The following ZBTB20 variants were observed in gnomAD, a reference collection of about 807,000 sequenced individuals.
ZBTB20 encodes the protein zinc finger and BTB domain-containing protein 20.
A neutral mutation model predicts 56.9 loss-of-function variants in ZBTB20; 9 were observed. The observed-to-expected ratio is 0.16, with a 90% CI of 0.10 to 0.28. The LOEUF is 0.28. ZBTB20 is among the 10% of genes least tolerant of loss of function. The probability of loss-of-function intolerance (pLI) is 1.00; values close to 1 mark genes in which losing one functional copy is unlikely to be tolerated. For synonymous variants in ZBTB20, 417 were observed against 420.7 expected, an observed-to-expected ratio of 0.99 and a Z score of 0.11; for missense variants, 655 against 1,003.0, an observed-to-expected ratio of 0.65 and a Z score of 4.69.
chr3:114,600,179 G>C (rs576687070), intron 6 of ZBTB20, among the ~76,000 whole-genome samples: 1 of 152,092 alleles, frequency 6.6e-6, no homozygotes, highest in Non-Finnish European at 1.5e-5. Context: ...TTATGAAAAG[G>C]TATAGGCTTA....
chr3:114,343,469 C>T (rs573948347), intron 11 of ZBTB20, among the ~76,000 whole-genome samples: 7 of 152,170 alleles, frequency 4.6e-5, no homozygotes, highest in South Asian at 2.1e-4. Flanking sequence ...CCTCCTCTTT[C>T]GTGAGTACAG....
intron 6 of ZBTB20, among the ~76,000 whole-genome samples, chr3:114,631,382 CTTTTT>C (rs66470152): frequency 1.8e-4 from 9 of 49,810 alleles, no homozygotes; most frequent in Non-Finnish European, 3.1e-4. Flanking sequence ...ATAGGTTATT[CTTTTT>C]TTTTTTTTTT....
At chr3:114,905,266 C>G (rs1165571441) in intron 3 of ZBTB20, among the ~76,000 whole-genome samples, 2 of 151,734 alleles carry the variant, frequency 1.3e-5, no homozygotes, top group African/African-American at 4.8e-5. Flanking sequence ...ATTATATTTT[C>G]AAAATATCCT....
intron 3 of ZBTB20, among the ~76,000 whole-genome samples, chr3:114,932,074 A>T (rs1490263766): frequency 6.6e-6 from 1 of 152,106 alleles, no homozygotes; most frequent in African/African-American, 2.4e-5. Flanking sequence ...TAAAAGTATA[A>T]TTTTTTTAGG....
At chr3:114,533,998 T>C (rs942555784) in intron 6 of ZBTB20, among the ~76,000 whole-genome samples, 1 of 151,836 alleles carries the variant, frequency 6.6e-6, no homozygotes, top group African/African-American at 2.4e-5. Context: ...GCACTAAATA[T>C]GGAAAGGAAA....
chr3:114,879,512 A>G (rs1444067222), intron 4 of ZBTB20, among the ~76,000 whole-genome samples: 1 of 152,140 alleles, frequency 6.6e-6, no homozygotes, highest in Non-Finnish European at 1.5e-5. Flanking sequence ...AGTTCTAAAA[A>G]CAGCCTTAAA....
At chr3:114,861,334 A>C (rs2075517932) in intron 4 of ZBTB20, among the ~76,000 whole-genome samples, 1 of 152,080 alleles carries the variant, frequency 6.6e-6, no homozygotes, top group South Asian at 2.1e-4. Context: ...ACTTTGTCTT[A>C]TTCCTTAGTT....
At chr3:115,125,143 A>G (rs529280997) in intron 1 of ZBTB20, among the ~76,000 whole-genome samples, 1 of 152,108 alleles carries the variant, frequency 6.6e-6, no homozygotes, top group South Asian at 2.1e-4. Context: ...AGAGTCTGAG[A>G]CCAGCGTGGG....
At chr3:114,948,413 C>G (rs1302934013) in intron 3 of ZBTB20, among the ~76,000 whole-genome samples, 2 of 145,890 alleles carry the variant, frequency 1.4e-5, no homozygotes, top group Non-Finnish European at 2.9e-5. Context: ...ACAAGTGGTC[C>G]TAGCTAGTGC....
chr3:114,653,264 A>G (rs1240809303), intron 6 of ZBTB20, among the ~76,000 whole-genome samples: 1 of 151,894 alleles, frequency 6.6e-6, no homozygotes, highest in East Asian at 1.9e-4. Flanking sequence ...GGTATTAATT[A>G]TATGTTTTCA....
intron 4 of ZBTB20, among the ~76,000 whole-genome samples, chr3:114,815,044 A>G (rs1024681137): frequency 6.6e-6 from 1 of 152,214 alleles, no homozygotes; most frequent in Non-Finnish European, 1.5e-5. Flanking sequence ...CATGTAACAT[A>G]AATATTCAGG....
At chr3:114,903,293 A>G (rs1472854036) in intron 3 of ZBTB20, among the ~76,000 whole-genome samples, 3 of 152,136 alleles carry the variant, frequency 2.0e-5, no homozygotes, top group African/African-American at 7.2e-5. Context: ...TGCAGGTTAT[A>G]TGTTATAGCC....
At chr3:114,989,690 G>C (rs2078713743) in intron 2 of ZBTB20, among the ~76,000 whole-genome samples, 1 of 152,016 alleles carries the variant, frequency 6.6e-6, no homozygotes. Context: ...AATTACGCAG[G>C]ACAGTATGGC....
intron 7 of ZBTB20, among the ~76,000 whole-genome samples, chr3:114,455,908 C>G (rs2091984786): frequency 6.6e-6 from 1 of 152,028 alleles, no homozygotes; most frequent in Non-Finnish European, 1.5e-5. Context: ...CAATCTCTCC[C>G]CCTCCCAATT....
chr3:114,876,208 T>C (rs1017091795), intron 4 of ZBTB20: 2 of 152,244 alleles, frequency 1.3e-5, no homozygotes, highest in African/African-American at 2.4e-5. Context: ...TAGTGGTGAT[T>C]TGTGAGATTT....
chr3:114,768,952 T>C (rs2068976732), intron 5 of ZBTB20, among the ~76,000 whole-genome samples: 1 of 152,320 alleles, frequency 6.6e-6, no homozygotes, highest in South Asian at 2.1e-4. Context: ...TGTGTTGTCT[T>C]ACTTTGGAAA....
intron 3 of ZBTB20, among the ~76,000 whole-genome samples, chr3:114,967,490 C>T (rs1232356218): frequency 6.6e-6 from 1 of 152,172 alleles, no homozygotes; most frequent in Non-Finnish European, 1.5e-5. Context: ...GAACAGTTTA[C>T]ATTCTCCCAC....
At chr3:114,939,605 CA>C (rs1183359007) in intron 3 of ZBTB20, among the ~76,000 whole-genome samples, 2 of 145,706 alleles carry the variant, frequency 1.4e-5, no homozygotes, top group Non-Finnish European at 2.9e-5. Flanking sequence ...GGCAAAAAAG[CA>C]AAATAGTTAA....
At chr3:114,482,267 C>T (rs1041586107) in intron 7 of ZBTB20, among the ~76,000 whole-genome samples, 1 of 152,142 alleles carries the variant, frequency 6.6e-6, no homozygotes, top group African/African-American at 2.4e-5. Flanking sequence ...ATGAGGTGGG[C>T]TCTCAGACAT....
Sources: gnomAD v4.1 joint callset for allele counts (sites outside exome capture counted in the v4.1 genomes callset) on GRCh38, gnomAD v4.1.1 for gene constraint, MANE v1.5 for transcripts, NCBI Gene and HGNC (gene_info 2026-07-23, HGNC 2026-07-21) for gene names.